Variants in PLBD1 observed in about 807,000 individuals in gnomAD.
The protein encoded by PLBD1 is phospholipase B domain containing 1.
A neutral mutation model predicts 63.0 loss-of-function variants in PLBD1; 60 were observed. The observed-to-expected ratio is 0.95, with a 90% confidence interval of 0.77 to 1.18. The LOEUF is 1.18. PLBD1 is among the 50% of genes most tolerant of loss of function. PLBD1 has a pLI of 0.00. For missense variants in PLBD1, 598 were observed against 677.9 expected (o/e 0.88, Z 1.31); for synonymous variants, 262 against 248.0 (o/e 1.06, Z -0.53).
In PLBD1 at chr12:14,510,223, T is replaced by A. The variant is rs144434017; in HGVS notation, c.1186+1037A>T. Among the ~76,000 whole-genome samples, 17 of 152,216 alleles carry A rather than the reference T, an allele frequency of 1.1e-4. No individual in the cohort carries two copies. The East Asian group carries it at 3.3e-3, about 29-fold the overall frequency. On this transcript the variant is annotated intron_variant, in intron 8 of 10. Transcript: ENST00000240617. ...CCTGGCCAACTGGTGAAACCCCGTC[T>A]CTACTAAAAACACACAAAAAATTAG...
At chr12:14,514,565 A>G (rs904770331) in intron 6 of PLBD1, among the ~76,000 whole-genome samples, 4 of 152,214 alleles carry the variant, frequency 2.6e-5, no homozygotes, top group African/African-American at 9.7e-5. Flanking sequence ...TAGGCTATCC[A>G]GAGTTCTAGA....
intron 2 of PLBD1, among the ~76,000 whole-genome samples, chr12:14,543,800 C>T (rs745727597): frequency 9.9e-5 from 15 of 152,082 alleles, no homozygotes; most frequent in South Asian, 2.1e-4. Flanking sequence ...CTTGTATTAA[C>T]GATTGTTCCT....
chr12:14,567,815 T>A lies in PLBD1; in HGVS notation c.-119A>T. The stretch of plus-strand genomic sequence containing the variant: ...GGCGCCGCCTCTCCGAGGTGGGGCG[T>A]CCTCAACTTTCCTCTTTCTTGAGCC... On this transcript the variant is annotated 5_prime_UTR_variant, in exon 1 of 11. Transcript: ENST00000240617. 24 of 1,266,432 alleles carry A rather than the reference T, an allele frequency of 1.9e-5. No individual in the cohort carries two copies. The highest frequency in any genetic ancestry group is 2.4e-5 in the Non-Finnish European group (24 of 984,222). 78.4% of individuals were successfully genotyped at this position (1,266,432 alleles called of 1,614,324 possible).
At chr12:14,550,755 G>A (rs113674951) in intron 2 of PLBD1, among the ~76,000 whole-genome samples, 4,175 of 152,096 alleles carry the variant, frequency 0.027, 117 homozygotes, top group African/African-American at 0.073. Context: ...GCTCATGCCT[G>A]TAATCCCATC....
Position 14,535,752 on chromosome 12 carries a change from A to G in PLBD1, c.751T>C (p.Tyr251His). The change falls in exon 6 of 11, where the codon TAT becomes CAT. Residue 251 changes from tyrosine to histidine, a missense_variant. Transcript: ENST00000240617. ...ILFAHSSWYT[Y>H]AAMLRIYKHW... Reference sequence around the variant, plus strand: ...TTATATATCCTGAGCATGGCTGCATACGTGTACCAGCTTGAGTGAGCAAAA... The same window carrying G: ...TTATATATCCTGAGCATGGCTGCATGCGTGTACCAGCTTGAGTGAGCAAAA... 6.2e-7 allele frequency: 1 copy of G among 1,614,086 alleles called. No homozygotes were observed. The highest frequency in any genetic ancestry group is 1.3e-5 in the African/African-American group (1 of 75,066).
rs1945634306 is a variant in PLBD1 at position 14,548,601 on chromosome 12, G to C, written c.335+4592C>G. Reference sequence around the variant, plus strand: ...AATGGAGCAAAAGAGGTAACACCAAGCACAAAGGAGGTCCCACCACTGACT... The same window carrying C: ...AATGGAGCAAAAGAGGTAACACCAACCACAAAGGAGGTCCCACCACTGACT... On this transcript the variant is annotated intron_variant, in intron 2 of 10. Transcript: ENST00000240617. 1.3e-5 allele frequency among the ~76,000 whole-genome samples: 2 copies of C among 151,928 alleles called. 1 individual carries two copies. The highest frequency in any genetic ancestry group is 4.1e-4 in the South Asian group (2 of 4,822).
intron 6 of PLBD1, among the ~76,000 whole-genome samples, chr12:14,521,303 A>C (rs1451047566): frequency 6.6e-6 from 1 of 152,078 alleles, no homozygotes; most frequent in African/African-American, 2.4e-5. Flanking sequence ...GGAAGGCCAC[A>C]CCTTACCCTG....
intron 6 of PLBD1, among the ~76,000 whole-genome samples, chr12:14,514,976 A>G (rs575610399): frequency 1.4e-4 from 22 of 152,324 alleles, no homozygotes; most frequent in African/African-American, 5.1e-4. Flanking sequence ...CCAGCCTAAG[A>G]ATAACATTTC....
intron 1 of PLBD1, among the ~76,000 whole-genome samples, chr12:14,562,617 C>T (rs1565582284): frequency 6.6e-6 from 1 of 152,036 alleles, no homozygotes; most frequent in Non-Finnish European, 1.5e-5. Flanking sequence ...AAAGAAGCTC[C>T]GTAATAACAT....
chr12:14,528,239 T>A (rs945743094), intron 6 of PLBD1, among the ~76,000 whole-genome samples: 2 of 152,138 alleles, frequency 1.3e-5, no homozygotes, highest in Non-Finnish European at 2.9e-5. Context: ...TTGCACTGAC[T>A]GACATTTACA....
intron 1 of PLBD1, among the ~76,000 whole-genome samples, chr12:14,562,459 C>CA (rs58838197): frequency 0.84 from 85,418 of 101,644 alleles, 36,587 homozygotes; most frequent in East Asian, 0.93. Context: ...GACTCCCTCT[C>CA]AAAAAAAAAA....
In PLBD1 at chr12:14,567,724, G is replaced by A. The variant is rs1286472494; in HGVS notation, c.-28C>T. The A allele has an allele frequency of 6.5e-6, 9 of 1,393,394 alleles. No homozygotes were observed. The highest frequency in any genetic ancestry group is 3.0e-5 in the East Asian group (1 of 33,472). The allele number at this position is 1,393,394 out of a possible 1,614,324, so 86.3% of individuals were successfully genotyped here. ...CTCCACGGCCGCGACCTTCCTCTGC[G>A]GGATCAGGCGGCCGCGGTGGCCCGC... On this transcript the variant is annotated 5_prime_UTR_variant, in exon 1 of 11. Transcript: ENST00000240617.
rs1010273166 is a variant in PLBD1, at chr12:14,507,049, A to G, written c.1256T>C (p.Val419Ala). The part of the protein sequence containing the change: ...IYNWSGYPLL[V>A]QKLGLDYSYD... ...AGAGTAGTCCAAGCCCAGCTTCTGA[A>G]CTAACAGTGGATAGCCACTCCAGTT... is the stretch of plus-strand genomic sequence containing the variant. Residue 419 changes from valine (V) to alanine (A), a missense_variant, in exon 9 of 11, where the codon GTT becomes GCT. By Grantham distance (64) the Val-to-Ala change is moderately conservative. Transcript: ENST00000240617. The G allele has an allele frequency of 1.2e-6, 2 of 1,614,014 alleles. No homozygotes were observed. The highest frequency in any genetic ancestry group is 1.7e-6 in the Non-Finnish European group (2 of 1,179,862).
intron 8 of PLBD1, among the ~76,000 whole-genome samples, chr12:14,510,078 T>A (rs916971694): frequency 6.6e-6 from 1 of 152,156 alleles, no homozygotes; most frequent in African/African-American, 2.4e-5. Context: ...TGTTGATATT[T>A]CTGTAGCCTA....
chr12:14,520,697 C>T (rs535027440), intron 6 of PLBD1, among the ~76,000 whole-genome samples: 54 of 152,284 alleles, frequency 3.5e-4, no homozygotes, highest in Admixed American at 7.2e-4. Context: ...GAGAATGAAA[C>T]ATTCTGCCTT....
chr12:14,523,876 T>G (rs1025010094), intron 6 of PLBD1, among the ~76,000 whole-genome samples: 3 of 152,124 alleles, frequency 2.0e-5, no homozygotes, highest in Non-Finnish European at 4.4e-5. Context: ...GCAGCACTAT[T>G]CACAATAGTC....
intron 6 of PLBD1, among the ~76,000 whole-genome samples, chr12:14,523,394 G>T (rs76074225): frequency 0.012 from 1,806 of 152,170 alleles, 39 homozygotes; most frequent in African/African-American, 0.041. Flanking sequence ...TTAAAAAAAT[G>T]TCCATACTAA....
chr12:14,547,811 T>G (rs950165531), intron 2 of PLBD1, among the ~76,000 whole-genome samples: 2 of 152,126 alleles, frequency 1.3e-5, no homozygotes, highest in African/African-American at 4.8e-5. Flanking sequence ...TCAGAGACCA[T>G]ATTGGGCTCC....
chr12:14,544,434 A>T (rs1945600586), intron 2 of PLBD1, among the ~76,000 whole-genome samples: 1 of 152,130 alleles, frequency 6.6e-6, no homozygotes, highest in Non-Finnish European at 1.5e-5. Flanking sequence ...TCAGCCTCCC[A>T]AAGTACTGGG....
Sources: gnomAD v4.1 joint callset for allele counts (sites outside exome capture counted in the v4.1 genomes callset) on GRCh38, gnomAD v4.1.1 for gene constraint, MANE v1.5 for transcripts, NCBI Gene and HGNC (gene_info 2026-07-23, HGNC 2026-07-21) for gene names.